The following EYA1 variants were observed in gnomAD, a reference collection of about 807,000 sequenced individuals.
EYA1 encodes EYA transcriptional coactivator and phosphatase 1.
In EYA1, 16 loss-of-function variants were observed where a neutral mutation model predicts 82.0. The observed-to-expected ratio is 0.20, with a 90% CI of 0.13 to 0.30. The LOEUF (loss-of-function observed/expected upper bound fraction) is 0.30, where lower values mean the gene tolerates loss of function less well. EYA1 is among the 10% of genes least tolerant of loss of function. The pLI is 1.00. For missense variants in EYA1, 633 were observed against 730.7 expected (o/e 0.87, Z 1.54); for synonymous variants, 261 against 264.4 (o/e 0.99, Z 0.12).
At chr8:71,324,782 T>A (rs1822966174) in intron 4 of EYA1, among the ~76,000 whole-genome samples, 1 of 152,184 alleles carries the variant, frequency 6.6e-6, no homozygotes, top group South Asian at 2.1e-4. Flanking sequence ...TGTTTTCCCC[T>A]CTATTTCATG....
At chr8:71,498,580 C>T (rs1434106583) in intron 2 of EYA1, among the ~76,000 whole-genome samples, 1 of 152,064 alleles carries the variant, frequency 6.6e-6, no homozygotes, top group African/African-American at 2.4e-5. Flanking sequence ...ATTCCATCTA[C>T]AAGACCACAT....
intron 11 of EYA1, among the ~76,000 whole-genome samples, chr8:71,245,841 G>A (rs1813025361): frequency 6.6e-6 from 1 of 152,134 alleles, no homozygotes; most frequent in South Asian, 2.1e-4. Context: ...CACTGTACGG[G>A]CATCAAACAG....
intron 2 of EYA1, among the ~76,000 whole-genome samples, chr8:71,525,136 A>G (rs1205629036): frequency 6.6e-6 from 1 of 152,182 alleles, no homozygotes; most frequent in African/African-American, 2.4e-5. Flanking sequence ...AGAGATTTGC[A>G]CACACTTGGG....
intron 11 of EYA1, among the ~76,000 whole-genome samples, chr8:71,265,524 A>G (rs905791174): frequency 3.3e-5 from 5 of 152,224 alleles, no homozygotes; most frequent in African/African-American, 1.2e-4. Context: ...ATTAAACAAT[A>G]AAAAGATAGT....
chr8:71,522,074 G>A (rs921941686), intron 2 of EYA1, among the ~76,000 whole-genome samples: 42 of 152,098 alleles, frequency 2.8e-4, no homozygotes, highest in Non-Finnish European at 2.6e-4. Context: ...AACTAGCATG[G>A]AAATTTCAAA....
At chr8:71,503,343 T>C (rs2129239850) in intron 2 of EYA1, among the ~76,000 whole-genome samples, 1 of 152,076 alleles carries the variant, frequency 6.6e-6, no homozygotes, top group African/African-American at 2.4e-5. Flanking sequence ...CGTGGTGGCA[T>C]GCACCTGTAG....
intron 17 of EYA1, among the ~76,000 whole-genome samples, chr8:71,205,438 G>A (rs1042719897): frequency 7.9e-5 from 12 of 151,860 alleles, no homozygotes; most frequent in Non-Finnish European, 1.5e-4. Context: ...AACAACTGGT[G>A]GATTTTGACA....
chr8:71,506,851 A>G (rs1349351152), intron 2 of EYA1, among the ~76,000 whole-genome samples: 2 of 152,056 alleles, frequency 1.3e-5, no homozygotes, highest in African/African-American at 4.8e-5. Context: ...TAAAACATGC[A>G]TAACATGAAA....
intron 9 of EYA1, among the ~76,000 whole-genome samples, chr8:71,288,082 G>A (rs1818583278): frequency 6.6e-6 from 1 of 152,142 alleles, no homozygotes; most frequent in Non-Finnish European, 1.5e-5. Flanking sequence ...CAAAGGGAGG[G>A]TGCTGGTCAA....
At chr8:71,332,424 C>T (rs1257379193) in intron 4 of EYA1, among the ~76,000 whole-genome samples, 1 of 152,148 alleles carries the variant, frequency 6.6e-6, no homozygotes, top group Non-Finnish European at 1.5e-5. Flanking sequence ...TTTCCTGGCT[C>T]TTAACTTCTT....
Position 71,521,637 on chromosome 8 carries a change from C to T in EYA1, c.33+14107G>A, listed in dbSNP as rs568276798. ...AACTTTAAATGGTGAAACAGGGTCTCTTAACATATATTTTTAAACCATCAA... is the reference window on the plus strand; with the variant it reads ...AACTTTAAATGGTGAAACAGGGTCTTTTAACATATATTTTTAAACCATCAA... On this transcript the variant is annotated intron_variant, in intron 2 of 18. Transcript: ENST00000643681. 5.3e-5 allele frequency among the ~76,000 whole-genome samples: 8 copies of T among 152,238 alleles called. No homozygotes were observed. In the South Asian group the frequency reaches 1.7e-3, roughly 32 times the overall value.
intron 2 of EYA1, among the ~76,000 whole-genome samples, chr8:71,493,745 C>T (rs1292720437): frequency 2.6e-5 from 4 of 151,326 alleles, no homozygotes; most frequent in East Asian, 1.9e-4. Context: ...GCTTTTTGGC[C>T]GGGCGCGGTG....
At chr8:71,249,027 AT>A (rs144850912) in intron 11 of EYA1, among the ~76,000 whole-genome samples, 2,135 of 152,288 alleles carry the variant, frequency 0.014, 50 homozygotes, top group African/African-American at 0.049. Context: ...TTAAAACACC[AT>A]TTTTTGTTAT....
intron 12 of EYA1, among the ~76,000 whole-genome samples, chr8:71,227,152 A>G (rs1041325789): frequency 1.3e-5 from 2 of 152,294 alleles, no homozygotes. Context: ...CATTAAAAAA[A>G]CTCAGCACAC....
chr8:71,402,123 T>A (rs189044680), intron 2 of EYA1, among the ~76,000 whole-genome samples: 123 of 152,280 alleles, frequency 8.1e-4, no homozygotes, highest in Middle Eastern at 6.8e-3. Flanking sequence ...AGGCTGTACA[T>A]TTGATAGGAT....
chr8:71,505,632 T>A (rs1361183766), intron 2 of EYA1, among the ~76,000 whole-genome samples: 1 of 151,684 alleles, frequency 6.6e-6, no homozygotes, highest in Non-Finnish European at 1.5e-5. Context: ...GATCTAACAA[T>A]TTTTTTGTGG....
chr8:71,215,502 G>C lies in EYA1; in HGVS notation c.1482C>G (p.Asn494Lys). The change falls in exon 16 of 18, where the codon AAC becomes AAG. Residue 494 changes from asparagine (N) to lysine (K), a missense_variant. Asn to Lys is a moderately conservative substitution (Grantham distance 94, BLOSUM62 0). Coordinates refer to ENST00000340726, the MANE Select transcript of EYA1 (RefSeq NM_000503.6). ...TAGTTGTTACTAAAATATTCACACA[G>C]TTTGTCCTATGAGAACAAAAAGAAA... Reference protein sequence around the residue: ...KALSLIHSRTNCVNILVTTTQ... With the variant: ...KALSLIHSRTKCVNILVTTTQ... 3 of 1,613,532 alleles carry C rather than the reference G, an allele frequency of 1.9e-6. No homozygotes were observed. Among genetic ancestry groups the C allele is most frequent in the Non-Finnish European group, 2.5e-6 (3 of 1,179,478 alleles).
chr8:71,492,018 G>A (rs1345995029), intron 2 of EYA1, among the ~76,000 whole-genome samples: 1 of 152,126 alleles, frequency 6.6e-6, no homozygotes, highest in East Asian at 1.9e-4. Flanking sequence ...CACTCTAGAT[G>A]GCAACCATCA....
At chr8:71,204,083 CA>C (rs1807422816) in intron 17 of EYA1, 1 of 152,182 alleles carries the variant, frequency 6.6e-6, no homozygotes, top group Non-Finnish European at 1.5e-5. Flanking sequence ...GCTGGAACTG[CA>C]ACATGCATGT....
Sources: allele counts gnomAD v4.1 joint callset (sites outside exome capture counted in the v4.1 genomes callset), GRCh38; gene constraint gnomAD v4.1.1; transcripts MANE v1.5; gene names NCBI Gene and HGNC (gene_info 2026-07-23, HGNC 2026-07-21).